The following NALCN variants were observed in gnomAD, a reference collection of about 807,000 sequenced individuals.
NALCN encodes the protein sodium leak channel, non-selective.
A neutral mutation model predicts 225.3 loss-of-function variants in NALCN; 111 were observed. That is an observed-to-expected ratio of 0.49 (90% CI 0.42 to 0.58). The LOEUF is 0.58. Among genes scored for constraint, NALCN ranks in the 20% least tolerant of loss-of-function variants. The probability of loss-of-function intolerance (pLI) is 0.00; values close to 1 mark genes in which losing one functional copy is unlikely to be tolerated. For missense variants in NALCN, 1,378 were observed against 2,202.4 expected (o/e 0.63, Z 7.49); for synonymous variants, 764 against 769.0 (o/e 0.99, Z 0.11).
chr13:101,192,666 A>AAAAC (rs71121175), intron 13 of NALCN, among the ~76,000 whole-genome samples: 33,546 of 148,272 alleles, frequency 0.23, 3,797 homozygotes, highest in East Asian at 0.37. Context: ...CAAGACCAAA[A>AAAAC]AAACAAACAA....
At chr13:101,197,072 C>T (rs1434445879) in intron 13 of NALCN, among the ~76,000 whole-genome samples, 1 of 152,114 alleles carries the variant, frequency 6.6e-6, no homozygotes, top group Non-Finnish European at 1.5e-5. Flanking sequence ...ATGGTGAGAT[C>T]TAGTGGATTA....
intron 12 of NALCN, 135 bp from the exon 13 acceptor site, chr13:101,229,719 C>G (rs181729848): frequency 1.5e-6 from 1 of 673,160 alleles, no homozygotes; most frequent in East Asian, 3.3e-5. Flanking sequence ...TATCTAGTGA[C>G]TAAAATTAAC....
At chr13:101,225,201 G>GA (rs2041094601) in intron 13 of NALCN, among the ~76,000 whole-genome samples, 1 of 152,092 alleles carries the variant, frequency 6.6e-6, no homozygotes, top group South Asian at 2.1e-4. Context: ...CCGCAGGAAA[G>GA]AAAAAACACC....
At chr13:101,139,256 G>A (rs1347026489) in intron 17 of NALCN, among the ~76,000 whole-genome samples, 1 of 152,202 alleles carries the variant, frequency 6.6e-6, no homozygotes, top group Admixed American at 6.5e-5. Context: ...ATTACTGGGA[G>A]AAAATCTTGC....
chr13:101,116,481 C>G (rs2035717912), intron 18 of NALCN: 1 of 516,036 alleles, frequency 1.9e-6, no homozygotes. Context: ...CTTTAAACAC[C>G]ACTAGTTGTT....
At chr13:101,118,563 C>A (rs938920197) in intron 18 of NALCN, among the ~76,000 whole-genome samples, 1 of 152,146 alleles carries the variant, frequency 6.6e-6, no homozygotes, top group African/African-American at 2.4e-5. Flanking sequence ...TAATTTTCAT[C>A]TATCTACTTA....
rs1162390007 is a variant in NALCN at position 101,104,950 on chromosome 13, T to A, written c.2580A>T (p.Ala860=). The stretch of plus-strand genomic sequence containing the variant: ...CTCCTGTGACAGGGTCTGTTTTAGA[T>A]CTGTAAGAGAACACATATATAAAAT... ...CRVVVRARFN[A]SKTDPVTGAV... Residue 860 remains alanine, a splice_region_variant and synonymous_variant, in exon 23 of 44, where the codon GCA becomes GCT. Coordinates refer to ENST00000251127, the MANE Select transcript of NALCN (RefSeq NM_052867.4). The surrounding 1 kb of genome is among the most constrained non-coding windows in gnomAD (Gnocchi z 4.2). 6.2e-7 allele frequency: 1 copy of A among 1,613,246 alleles called. No individual in the cohort carries two copies. Among genetic ancestry groups the A allele is most frequent in the African/African-American group, 1.3e-5 (1 of 74,894 alleles).
chr13:101,125,720 T>C (rs1233588196), intron 17 of NALCN, among the ~76,000 whole-genome samples: 1 of 152,136 alleles, frequency 6.6e-6, no homozygotes, highest in Middle Eastern at 3.2e-3. Flanking sequence ...TCTGGACTAG[T>C]CGGCAAAGGC....
chr13:101,391,887 G>A (rs2047157003), intron 3 of NALCN, among the ~76,000 whole-genome samples: 1 of 150,478 alleles, frequency 6.6e-6, no homozygotes, highest in Non-Finnish European at 1.5e-5. Flanking sequence ...GGGAGGCTAA[G>A]GCAGGAGAAT....
At chr13:101,260,735 T>C (rs2042397583) in intron 10 of NALCN, among the ~76,000 whole-genome samples, 1 of 152,214 alleles carries the variant, frequency 6.6e-6, no homozygotes, top group African/African-American at 2.4e-5. Context: ...ATTTTTCCTA[T>C]AGAGTTGTTT....
At chr13:101,069,518 G>A (rs2032688794) in intron 37 of NALCN, among the ~76,000 whole-genome samples, 1 of 152,226 alleles carries the variant, frequency 6.6e-6, no homozygotes. Context: ...GCTGCTGACT[G>A]AGCAGGGTGG....
At chr13:101,402,727 G>T (rs2047509650) in intron 1 of NALCN, among the ~76,000 whole-genome samples, 1 of 152,138 alleles carries the variant, frequency 6.6e-6, no homozygotes, top group East Asian at 1.9e-4. Context: ...AGGTATCGGT[G>T]CTGCTTCCCC....
At chr13:101,367,138 T>A (rs1487604804) in intron 6 of NALCN, among the ~76,000 whole-genome samples, 3 of 151,860 alleles carry the variant, frequency 2.0e-5, no homozygotes, top group Admixed American at 2.0e-4. Flanking sequence ...TTTATTTTTT[T>A]AATTTTAATA....
intron 40 of NALCN, among the ~76,000 whole-genome samples, chr13:101,065,193 C>T (rs1474689068): frequency 2.0e-5 from 3 of 152,210 alleles, no homozygotes; most frequent in African/African-American, 4.8e-5. Flanking sequence ...GCCGCCCAGC[C>T]CTCCCCTGCG....
At chr13:101,281,599 T>C (rs1015130422) in intron 10 of NALCN, among the ~76,000 whole-genome samples, 1 of 152,184 alleles carries the variant, frequency 6.6e-6, no homozygotes, top group African/African-American at 2.4e-5. Flanking sequence ...ATAATACTTA[T>C]CAATATTCAT....
intron 13 of NALCN, among the ~76,000 whole-genome samples, chr13:101,192,662 C>CAAA (rs1376409048): frequency 1.5e-5 from 2 of 134,376 alleles, no homozygotes; most frequent in Non-Finnish European, 3.1e-5. Flanking sequence ...AAGCCAAGAC[C>CAAA]AAAAAAACAA....
At chr13:101,193,055 C>T (rs896166647) in intron 13 of NALCN, among the ~76,000 whole-genome samples, 1 of 151,084 alleles carries the variant, frequency 6.6e-6, no homozygotes, top group Non-Finnish European at 1.5e-5. Context: ...CACTGGGGGA[C>T]CTAAAGATAG....
intron 30 of NALCN, among the ~76,000 whole-genome samples, chr13:101,084,557 G>A (rs1302424614): frequency 6.6e-6 from 1 of 151,688 alleles, no homozygotes; most frequent in East Asian, 1.9e-4. Context: ...GTAAGAATTT[G>A]TTCTGAATTT....
intron 15 of NALCN, among the ~76,000 whole-genome samples, chr13:101,148,980 T>C (rs973900016): frequency 6.6e-6 from 1 of 152,150 alleles, no homozygotes; most frequent in African/African-American, 2.4e-5. Flanking sequence ...CTAATGAATG[T>C]TTAGACAAAG....
Sources: allele counts gnomAD v4.1 joint callset (sites outside exome capture counted in the v4.1 genomes callset), GRCh38; gene constraint gnomAD v4.1.1; non-coding constraint Gnocchi (gnomAD v3.1); transcripts MANE v1.5; gene names NCBI Gene and HGNC (gene_info 2026-07-23, HGNC 2026-07-21).